The following LRP2 variants were observed in gnomAD, a reference collection of about 807,000 sequenced individuals.
LRP2 encodes low-density lipoprotein receptor-related protein 2.
A neutral mutation model predicts 531.0 loss-of-function variants in LRP2; 172 were observed. The observed-to-expected ratio is 0.32, with a 90% CI of 0.29 to 0.37. LRP2 has a LOEUF of 0.37. Ranked by LOEUF, LRP2 falls within the 10% of genes least tolerant of loss-of-function variation. LRP2 has a pLI of 1.00. For synonymous variants in LRP2, 1,992 were observed against 2,027.6 expected, an observed-to-expected ratio of 0.98 and a Z score of 0.47; for missense variants, 5,167 against 5,868.3, an observed-to-expected ratio of 0.88 and a Z score of 3.90.
At chr2:169,286,321 G>C (rs568433731) in intron 9 of LRP2, among the ~76,000 whole-genome samples, 1 of 152,306 alleles carries the variant, frequency 6.6e-6, no homozygotes, top group East Asian at 1.9e-4. Context: ...TAAAGTCCCA[G>C]AAACGCGCTG....
chr2:169,191,063 A>G (rs1425604209), intron 48 of LRP2, among the ~76,000 whole-genome samples: 1 of 152,218 alleles, frequency 6.6e-6, no homozygotes, highest in African/African-American at 2.4e-5. Flanking sequence ...TGATCCACAC[A>G]GTGTTTTAAG....
intron 64 of LRP2, 115 bp from the exon 65 acceptor site, chr2:169,156,520 A>G: frequency 9.0e-7 from 1 of 1,110,866 alleles, no homozygotes; most frequent in Non-Finnish European, 1.4e-6. Flanking sequence ...GGTACAGATG[A>G]AAATAAGCAA....
chr2:169,142,502 T>C lies in LRP2; in HGVS notation c.13108+172A>G, dbSNP rs73970132. On this transcript the variant is annotated intron_variant, in intron 71 of 78. Coordinates refer to ENST00000649046, the MANE Select transcript of LRP2 (RefSeq NM_004525.3). ...CAGCAGTCACTGGAACACAGTTCTGTTTGCCCCCTAAGTCCCACTCAACTC... is the reference window on the plus strand; with the variant it reads ...CAGCAGTCACTGGAACACAGTTCTGCTTGCCCCCTAAGTCCCACTCAACTC... 7.2e-3 allele frequency among the ~76,000 whole-genome samples: 1,103 copies of C among 152,286 alleles called. 11 individuals carry two copies. Among genetic ancestry groups the C allele is most frequent in the African/African-American group, 0.025 (1,032 of 41,550 alleles).
rs115244541 is a variant in LRP2, at chr2:169,209,620, T to C, written c.6302A>G (p.Asp2101Gly). 7 of 1,614,036 alleles carry C rather than the reference T, an allele frequency of 4.3e-6. No homozygotes were observed. In the African/African-American group the frequency reaches 9.3e-5, roughly 22 times the overall value. ...AATAAAGCCAGAGGACACATCCACA[T>C]CCACATGCAGTGCGTTTCGTCCTGG... ...AGQGRNALHV[D>G]VDVSSGFIYW... is the part of the protein sequence containing the mutation. The change falls in exon 38 of 79, where the codon GAT becomes GGT. Residue 2101 changes from aspartate (D) to glycine (G), a missense_variant. Asp to Gly is a moderately conservative substitution (Grantham distance 94). Coordinates refer to ENST00000649046, the MANE Select transcript of LRP2 (RefSeq NM_004525.3).
At chr2:169,246,634 T>C in intron 21 of LRP2, 71 bp downstream of exon 21, 1 of 1,552,176 alleles carries the variant, frequency 6.4e-7, no homozygotes. Context: ...CCCAAGCTTT[T>C]ATTTATTTTC....
rs1330211934 is a variant in LRP2 at position 169,202,901 on chromosome 2, G to A, written c.8064C>T (p.Asn2688=). Residue 2688 remains asparagine (N), a synonymous_variant, in exon 43 of 79, where the codon AAC becomes AAT. Coordinates refer to ENST00000649046, the MANE Select transcript of LRP2 (RefSeq NM_004525.3). ...PHEGNWYLAN[N]RKHCIVDNGE... ...CATTGTCCACAATGCAGTGCTTCCT[G>A]TTGTTGGCCAAATACCAGTTGCCCT... The A allele has an allele frequency of 6.2e-7, 1 of 1,614,124 alleles. No individual in the cohort carries two copies. Among genetic ancestry groups the A allele is most frequent in the African/African-American group, 1.3e-5 (1 of 74,942 alleles).
rs1442964514 is a variant in LRP2, at chr2:169,202,950, C to T, written c.8015G>A (p.Gly2672Asp). ...CSHICAPGPN[G>D]AECQCPHEGN... is the part of the protein sequence containing the mutation. Reference sequence around the variant, plus strand: ...CTCATGTGGACACTGGCACTCGGCACCATTTGGACCTGAAGAAAGATAATC... The same window carrying T: ...CTCATGTGGACACTGGCACTCGGCATCATTTGGACCTGAAGAAAGATAATC... Residue 2672 changes from glycine (G) to aspartate (D), a missense_variant, in exon 43 of 79, where the codon GGT (glycine) becomes GAT (aspartate). Physicochemically the swap from Gly to Asp is moderately conservative, Grantham distance 94. This residue lies in a region of LRP2 where 1,129 missense variants were observed against 1,362.7 expected (regional missense o/e 0.83). Coordinates refer to ENST00000649046, the MANE Select transcript of LRP2 (RefSeq NM_004525.3). 2 of 1,614,124 alleles carry T rather than the reference C, an allele frequency of 1.2e-6. No individual in the cohort carries two copies. Among genetic ancestry groups the T allele is most frequent in the South Asian group, 1.1e-5 (1 of 91,076 alleles).
intron 4 of LRP2, among the ~76,000 whole-genome samples, chr2:169,295,608 C>T (rs1253253438): frequency 1.3e-5 from 2 of 152,138 alleles, no homozygotes; most frequent in Admixed American, 6.5e-5. Context: ...ATGAAACTCC[C>T]TGAGATCAAG....
At chr2:169,303,198 CT>C (rs1161691687) in intron 4 of LRP2, among the ~76,000 whole-genome samples, 2 of 151,952 alleles carry the variant, frequency 1.3e-5, no homozygotes, top group African/African-American at 4.8e-5. Flanking sequence ...TAAAAAAAAC[CT>C]TCCATACTAA....
At chr2:169,268,360 A>G (rs1174196090) in intron 16 of LRP2, among the ~76,000 whole-genome samples, 1 of 152,226 alleles carries the variant, frequency 6.6e-6, no homozygotes, top group African/African-American at 2.4e-5. Flanking sequence ...AATCCTCAAT[A>G]AAATACTGGC....
intron 49 of LRP2, 49 bp from the exon 50 acceptor site, chr2:169,186,068 C>T: frequency 6.5e-7 from 1 of 1,534,746 alleles, no homozygotes; most frequent in Non-Finnish European, 9.0e-7. Context: ...CAACGACCAA[C>T]TCACTATAAT....
chr2:169,270,532 C>T (rs1187628101), intron 16 of LRP2, among the ~76,000 whole-genome samples: 2 of 149,200 alleles, frequency 1.3e-5, no homozygotes, highest in East Asian at 4.0e-4. Context: ...CACATGTTCT[C>T]ACTCACAGGT....
At chr2:169,353,534 AG>A (rs752210351) in intron 1 of LRP2, among the ~76,000 whole-genome samples, 5 of 152,202 alleles carry the variant, frequency 3.3e-5, no homozygotes, top group Non-Finnish European at 7.3e-5. Flanking sequence ...TGCAACAAAA[AG>A]TATTCTCCAC....
At chr2:169,215,414 G>A (rs1291719893) in intron 35 of LRP2, among the ~76,000 whole-genome samples, 2 of 152,142 alleles carry the variant, frequency 1.3e-5, no homozygotes, top group Non-Finnish European at 2.9e-5. Context: ...CTATTTCAAT[G>A]AGTGAACGAG....
chr2:169,306,427 G>A (rs561437886), intron 4 of LRP2, among the ~76,000 whole-genome samples: 1 of 152,266 alleles, frequency 6.6e-6, no homozygotes, highest in East Asian at 1.9e-4. Context: ...CCAGCTACTC[G>A]GGAGGCTGAG....
Position 169,155,111 on chromosome 2 carries a change from A to C in LRP2, c.12152-508T>G, listed in dbSNP as rs530269391. 8.1e-4 allele frequency among the ~76,000 whole-genome samples: 124 copies of C among 152,312 alleles called. 1 individual carries two copies. Among genetic ancestry groups the C allele is most frequent in the Admixed American group, 2.3e-3 (35 of 15,292 alleles). On this transcript the variant is annotated intron_variant, in intron 65 of 78. Transcript: ENST00000649046. Reference sequence around the variant, plus strand: ...TTAGCTCCTAGCTAATGACAAAATAAACCTAGCTTGTCCTTGATTTAATTT... The same window carrying C: ...TTAGCTCCTAGCTAATGACAAAATACACCTAGCTTGTCCTTGATTTAATTT...
intron 48 of LRP2, among the ~76,000 whole-genome samples, chr2:169,190,798 C>T (rs899819273): frequency 1.3e-5 from 2 of 152,216 alleles, no homozygotes; most frequent in Non-Finnish European, 2.9e-5. Flanking sequence ...TGAGCAAGCG[C>T]CTTTCTGGAC....
intron 16 of LRP2, among the ~76,000 whole-genome samples, chr2:169,268,296 C>A (rs186524214): frequency 6.6e-6 from 1 of 152,126 alleles, no homozygotes; most frequent in African/African-American, 2.4e-5. Context: ...CTGGCAGAGA[C>A]ACAACAAAAA....
intron 1 of LRP2, among the ~76,000 whole-genome samples, chr2:169,337,996 A>G (rs1685451340): frequency 6.6e-6 from 1 of 151,954 alleles, no homozygotes; most frequent in African/African-American, 2.4e-5. Flanking sequence ...AGTCCTAGCT[A>G]TTCAGGAGGC....
Sources: gnomAD v4.1 joint callset for allele counts (sites outside exome capture counted in the v4.1 genomes callset) on GRCh38, gnomAD v4.1.1 for gene constraint, gnomAD v4.1.1 regional missense constraint, MANE v1.5 for transcripts, NCBI Gene and HGNC (gene_info 2026-07-23, HGNC 2026-07-21) for gene names.